NWD2: variants seen among roughly 807,000 people sequenced by gnomAD.
NWD2 encodes NACHT and WD repeat domain-containing protein 2.
NWD2 carries 37 observed loss-of-function variants against 132.7 expected under a neutral mutation model. The ratio of observed to expected loss-of-function variants is 0.28; its 90% CI spans 0.21 to 0.37. The LOEUF (loss-of-function observed/expected upper bound fraction) is 0.37. NWD2 is among the 10% of genes least tolerant of loss of function. The pLI is 1.00. For missense variants in NWD2, 1,592 were observed against 2,122.4 expected, an observed-to-expected ratio of 0.75 and a Z score of 4.91; for synonymous variants, 705 against 803.0, an observed-to-expected ratio of 0.88 and a Z score of 2.06.
At chr4:37,282,752 A>G (rs1251278505) in intron 1 of NWD2, among the ~76,000 whole-genome samples, 2 of 152,170 alleles carry the variant, frequency 1.3e-5, no homozygotes, top group African/African-American at 2.4e-5. Flanking sequence ...CTACACCATG[A>G]GTATCCTTGG....
intron 1 of NWD2, among the ~76,000 whole-genome samples, chr4:37,304,701 A>G (rs1417170288): frequency 2.0e-5 from 3 of 152,194 alleles, no homozygotes; most frequent in Admixed American, 1.3e-4. Flanking sequence ...ACCCCAGGCC[A>G]CACCGATGCA....
chr4:37,325,020 C>T (rs1719141826), intron 1 of NWD2, among the ~76,000 whole-genome samples: 1 of 152,126 alleles, frequency 6.6e-6, no homozygotes, highest in Admixed American at 6.6e-5. Flanking sequence ...TAAGATTACA[C>T]ATTAACCTAA....
intron 3 of NWD2, among the ~76,000 whole-genome samples, chr4:37,400,040 T>C (rs1221074454): frequency 6.6e-6 from 1 of 152,214 alleles, no homozygotes; most frequent in Non-Finnish European, 1.5e-5. Context: ...GGAGTTAAGA[T>C]TGTAGACTCT....
chr4:37,399,855 A>T (rs1347349915), intron 3 of NWD2, among the ~76,000 whole-genome samples: 3 of 152,216 alleles, frequency 2.0e-5, no homozygotes, highest in East Asian at 3.8e-4. Flanking sequence ...TCATTCCAGA[A>T]CTAAAGAATC....
chr4:37,313,834 G>A (rs573361156), intron 1 of NWD2, among the ~76,000 whole-genome samples: 6 of 150,942 alleles, frequency 4.0e-5, no homozygotes, highest in Admixed American at 3.3e-4. Context: ...GAGTAGCTGG[G>A]ATTACAGGCA....
At chr4:37,292,758 C>T (rs747909310) in intron 1 of NWD2, among the ~76,000 whole-genome samples, 4 of 152,272 alleles carry the variant, frequency 2.6e-5, no homozygotes, top group Admixed American at 1.3e-4. Context: ...ACTGTTCCAC[C>T]TCAGATCATC....
intron 1 of NWD2, among the ~76,000 whole-genome samples, chr4:37,282,854 A>G (rs1472859777): frequency 2.0e-5 from 3 of 152,208 alleles, no homozygotes; most frequent in Non-Finnish European, 4.4e-5. Context: ...TGTGAAACAA[A>G]TCAACTGATA....
chr4:37,394,261 A>G (rs971689774), intron 3 of NWD2, among the ~76,000 whole-genome samples: 1 of 152,160 alleles, frequency 6.6e-6, no homozygotes, highest in Non-Finnish European at 1.5e-5. Context: ...TTCTTTATAT[A>G]TTCATCTTTG....
At position 37,446,291 on chromosome 4, in the gene NWD2, A is replaced by G; in HGVS notation, c.4303A>G (p.Ile1435Val). The change falls in exon 7 of 7, where the codon ATT becomes GTT. Residue 1435 changes from isoleucine (I) to valine (V), a missense_variant. Ile to Val is a conservative substitution (Grantham distance 29). This residue lies in a region of NWD2 where 24 missense variants were observed against 65.2 expected (regional missense o/e 0.37). Transcript: ENST00000309447. The surrounding 1 kb of genome is among the most constrained non-coding windows in gnomAD (Gnocchi z 6.7). Reference sequence around the variant, plus strand: ...CGCCACAGGCCACAGGGTCTGCAACATTCTGACCACTTTGCAGAATGCCTT... The same window carrying G: ...CGCCACAGGCCACAGGGTCTGCAACGTTCTGACCACTTTGCAGAATGCCTT... Reference protein sequence around the residue: ...RLATGHRVCNILTTLQNAFIT... With the variant: ...RLATGHRVCNVLTTLQNAFIT... The G allele has an allele frequency of 1.3e-6, 2 of 1,551,776 alleles. No individual in the cohort carries two copies. Among genetic ancestry groups the G allele is most frequent in the Non-Finnish European group, 1.7e-6 (2 of 1,147,022 alleles).
At chr4:37,396,871 A>G (rs373196518) in intron 3 of NWD2, among the ~76,000 whole-genome samples, 2 of 152,088 alleles carry the variant, frequency 1.3e-5, no homozygotes, top group African/African-American at 4.8e-5. Flanking sequence ...CATCTCTACT[A>G]AAAATACAAA....
rs1365896271 is a variant in NWD2 at position 37,357,566 on chromosome 4, G to A, written c.357+1084G>A. On this transcript the variant is annotated intron_variant, in intron 3 of 6. Transcript: ENST00000309447. ...CAAGGGTTGCTCTTAGGTGCTGGGG[G>A]TGTGGTAGGTTGACCCATACGAAAT... 5.9e-5 allele frequency among the ~76,000 whole-genome samples: 9 copies of A among 152,152 alleles called. No homozygotes were observed. The South Asian group carries it at 6.2e-4, about 10-fold the overall frequency.
chr4:37,296,775 T>G (rs2109274696), intron 1 of NWD2, among the ~76,000 whole-genome samples: 1 of 152,162 alleles, frequency 6.6e-6, no homozygotes, highest in Non-Finnish European at 1.5e-5. Context: ...ACCAAAAGTC[T>G]CAGAATTCAT....
chr4:37,366,797 T>G lies in NWD2; in HGVS notation c.357+10315T>G, dbSNP rs112262266. Among the ~76,000 whole-genome samples the G allele has an allele frequency of 9.9e-5, 15 of 152,280 alleles. 1 individual carries two copies. The highest frequency in any genetic ancestry group is 3.6e-4 in the African/African-American group (15 of 41,568). ...TTCAATTCAACAGAAAAATGTAATA[T>G]TTCTATATTTCTATGCACCTAATAA... On this transcript the variant is annotated intron_variant, in intron 3 of 6. Coordinates refer to ENST00000309447, the MANE Select transcript of NWD2 (RefSeq NM_001144990.2).
intron 3 of NWD2, among the ~76,000 whole-genome samples, chr4:37,367,289 C>T (rs900610403): frequency 1.3e-4 from 20 of 152,090 alleles, no homozygotes; most frequent in Non-Finnish European, 2.2e-4. Context: ...ACTGCACTAA[C>T]ATGAAAACTG....
Position 37,445,177 on chromosome 4 carries a change from A to G in NWD2, c.3189A>G (p.Gly1063=). 6.4e-7 allele frequency: 1 copy of G among 1,551,942 alleles called. No individual in the cohort carries two copies. Among genetic ancestry groups the G allele is most frequent in the Middle Eastern group, 1.7e-4 (1 of 5,994 alleles). The change falls in exon 7 of 7, where the codon GGA becomes GGG. Residue 1063 remains glycine (G), a synonymous_variant. Transcript: ENST00000309447. This position sits in a 1 kb window ranked among gnomAD's most constrained non-coding sequence, Gnocchi z 4.7. ...KHGSSATYIN[G]FTLSANHALA... is the part of the protein sequence containing the mutation. ...GAAGCAGCGCCACCTACATCAATGG[A>G]TTTACACTGTCCGCCAACCACGCCC...
intron 2 of NWD2, among the ~76,000 whole-genome samples, chr4:37,352,162 TG>T (rs533895716): frequency 1.3e-5 from 2 of 152,344 alleles, no homozygotes; most frequent in African/African-American, 4.8e-5. Context: ...TCTGTTGATT[TG>T]GGGTGGAGAG....
chr4:37,294,616 C>G (rs1007264171), intron 1 of NWD2, among the ~76,000 whole-genome samples: 16 of 152,140 alleles, frequency 1.1e-4, no homozygotes, highest in South Asian at 2.1e-4. Context: ...GTGAAATGGA[C>G]TATGGTTTTG....
At chr4:37,309,251 G>C (rs554371227) in intron 1 of NWD2, among the ~76,000 whole-genome samples, 1 of 152,196 alleles carries the variant, frequency 6.6e-6, no homozygotes, top group African/African-American at 2.4e-5. Context: ...TTTGGGGAGT[G>C]CACACGAGCA....
chr4:37,438,454 C>T (rs1160777795), intron 5 of NWD2, among the ~76,000 whole-genome samples: 1 of 152,062 alleles, frequency 6.6e-6, no homozygotes, highest in Non-Finnish European at 1.5e-5. Context: ...CTGCTGTTCC[C>T]TCTTAGAACC....
Sources: allele counts gnomAD v4.1 joint callset (sites outside exome capture counted in the v4.1 genomes callset), GRCh38; gene constraint gnomAD v4.1.1; regional missense constraint gnomAD v4.1.1; non-coding constraint Gnocchi (gnomAD v3.1); transcripts MANE v1.5; gene names NCBI Gene and HGNC (gene_info 2026-07-23, HGNC 2026-07-21).